SAMD5: variants seen among roughly 807,000 people sequenced by gnomAD.
The protein encoded by SAMD5 is sterile alpha motif domain-containing protein 5.
Under a neutral mutation model 11.3 loss-of-function variants are expected in SAMD5, and 13 were observed. The ratio of observed to expected loss-of-function variants is 1.15; its 90% CI spans 0.75 to 1.83. The LOEUF (loss-of-function observed/expected upper bound fraction) is 1.83. Ranked by LOEUF, SAMD5 falls within the 40% of genes most tolerant of loss-of-function variation. The pLI is 0.00. For synonymous variants in SAMD5, 129 were observed against 111.3 expected (o/e 1.16, Z -1.00); for missense variants, 255 against 239.1 (o/e 1.07, Z -0.44).
chr6:147,752,497 C>G, the SAMD5 span, among the ~76,000 whole-genome samples: 3 of 152,186 alleles, frequency 2.0e-5, no homozygotes, highest in African/African-American at 7.2e-5. Context: ...GCAGTAATCT[C>G]CCACAAACCC....
chr6:147,845,256 A>G, the SAMD5 span, among the ~76,000 whole-genome samples: 1 of 152,210 alleles, frequency 6.6e-6, no homozygotes, highest in Non-Finnish European at 1.5e-5. Context: ...AAATTAATTC[A>G]AAATGGATGA....
chr6:147,931,150 G>A, the SAMD5 span, among the ~76,000 whole-genome samples: 2 of 152,194 alleles, frequency 1.3e-5, no homozygotes, highest in East Asian at 3.8e-4. Context: ...TTGGAGAAAA[G>A]TTTTGACTTT....
chr6:147,761,028 G>A, the SAMD5 span, among the ~76,000 whole-genome samples: 1 of 152,092 alleles, frequency 6.6e-6, no homozygotes, highest in African/African-American at 2.4e-5. Flanking sequence ...AATTCTTTTA[G>A]CAGTTTTCAT....
chr6:147,573,103 T>C (rs1317096112), downstream of SAMD5, among the ~76,000 whole-genome samples: 2 of 152,220 alleles, frequency 1.3e-5, no homozygotes, highest in Non-Finnish European at 2.9e-5. Context: ...CTTCCTCTGA[T>C]ATATACGGAT....
Position 147,638,579 on chromosome 6 carries a change from A to G in SAMD5, c.163-98738A>G, listed in dbSNP as rs12199915. On this transcript the variant is annotated intron_variant, in intron 1 of 1. Transcript: ENST00000566741. ...TTGAAATTCAGCTCTGCCCAGCAGG[A>G]CTTGCCCTCAGTTTTGAGGCATTAT... Among the ~76,000 whole-genome samples the G allele has an allele frequency of 6.8e-4, 103 of 152,044 alleles. 1 individual carries two copies. The highest frequency in any genetic ancestry group is 2.3e-3 in the African/African-American group (94 of 41,464).
At chr6:147,597,037 C>T (rs149716536) in intron 1 of SAMD5, among the ~76,000 whole-genome samples, 160 of 152,160 alleles carry the variant, frequency 1.1e-3, no homozygotes, top group African/African-American at 3.3e-3. Flanking sequence ...ATGTGGGGAG[C>T]GGACACCCAG....
rs998591640 is a variant in SAMD5 at position 147,568,593 on chromosome 6, T to G, written c.*4137T>G. On this transcript the variant is annotated 3_prime_UTR_variant, in exon 2 of 2. Coordinates refer to ENST00000367474, the MANE Select transcript of SAMD5 (RefSeq NM_001030060.3). ...TACAAAGTATTAGGAATTTTTTATA[T>G]CAGCTGACATCTTGTGCTTACAGTA... 13 of 985,254 alleles carry G rather than the reference T, an allele frequency of 1.3e-5. No individual in the cohort carries two copies. In the African/African-American group the frequency reaches 2.3e-4, roughly 17 times the overall value. 61.0% of individuals were successfully genotyped at this position (985,254 alleles called of 1,614,324 possible).
At chr6:147,723,364 T>G (rs532769348) in intron 1 of SAMD5, among the ~76,000 whole-genome samples, 1 of 152,314 alleles carries the variant, frequency 6.6e-6, no homozygotes, top group African/African-American at 2.4e-5. Context: ...GGAATTTTGC[T>G]TTTATTCTTC....
chr6:147,672,405 G>A (rs1273355424), intron 1 of SAMD5, among the ~76,000 whole-genome samples: 1 of 152,058 alleles, frequency 6.6e-6, no homozygotes. Context: ...AAAATATAAA[G>A]AGAAAATGCT....
chr6:147,541,596 T>A (rs1324078078), intron 1 of SAMD5, among the ~76,000 whole-genome samples: 1 of 152,132 alleles, frequency 6.6e-6, no homozygotes, highest in Non-Finnish European at 1.5e-5. Context: ...TTAGGACTCA[T>A]TGAATGTGAC....
At chr6:147,885,523 T>G in the SAMD5 span, among the ~76,000 whole-genome samples, 2 of 152,008 alleles carry the variant, frequency 1.3e-5, no homozygotes, top group Non-Finnish European at 2.9e-5. Context: ...AAGTAAAATT[T>G]TTGATAATTA....
chr6:147,593,789 G>GC (rs1273067265), intron 1 of SAMD5, among the ~76,000 whole-genome samples: 1 of 152,052 alleles, frequency 6.6e-6, no homozygotes, highest in Non-Finnish European at 1.5e-5. Flanking sequence ...CATTGTAGGA[G>GC]CTCTAAGACT....
At chr6:147,510,349 G>C (rs1000039035) in intron 1 of SAMD5, among the ~76,000 whole-genome samples, 3 of 152,182 alleles carry the variant, frequency 2.0e-5, no homozygotes. Flanking sequence ...GGCGGCTGTC[G>C]GAGTAGAGGG....
the SAMD5 span, among the ~76,000 whole-genome samples, chr6:147,924,086 T>A: frequency 1.3e-5 from 2 of 152,156 alleles, no homozygotes; most frequent in Non-Finnish European, 2.9e-5. Flanking sequence ...CCTGTGTTAT[T>A]TGGTTACTTC....
At chr6:147,737,476 C>A in exon 2 of SAMD5, 1 of 463,394 alleles carries the variant, frequency 2.2e-6, no homozygotes, top group Non-Finnish European at 3.8e-6. Context: ...GTTGTTTTGC[C>A]AGAATACTGA....
the SAMD5 span, among the ~76,000 whole-genome samples, chr6:147,909,626 T>TCTC: frequency 2.0e-4 from 12 of 59,266 alleles, no homozygotes; most frequent in South Asian, 1.5e-3. Flanking sequence ...CTTTCTTTCT[T>TCTC]TCTTTCTCTT....
the SAMD5 span, among the ~76,000 whole-genome samples, chr6:147,816,493 T>C: frequency 6.6e-6 from 1 of 151,328 alleles, no homozygotes; most frequent in Non-Finnish European, 1.5e-5. Context: ...GACTATTAAG[T>C]ATCTACAGAG....
chr6:147,757,786 A>C, the SAMD5 span, among the ~76,000 whole-genome samples: 1 of 152,174 alleles, frequency 6.6e-6, no homozygotes, highest in Non-Finnish European at 1.5e-5. Flanking sequence ...GATATTTTGG[A>C]AACTTAATTT....
rs1399690843 is a variant in SAMD5, at chr6:147,569,519, T to C, written c.*5063T>C. ...TAAGATGGGAAATGTCTTTTATAGGTATATTCTGTATAATACCCTTAATTA... is the reference window on the plus strand; with the variant it reads ...TAAGATGGGAAATGTCTTTTATAGGCATATTCTGTATAATACCCTTAATTA... On this transcript the variant is annotated 3_prime_UTR_variant, in exon 2 of 2. Coordinates refer to ENST00000367474, the MANE Select transcript of SAMD5 (RefSeq NM_001030060.3). 7 of 845,326 alleles carry C rather than the reference T, an allele frequency of 8.3e-6. No individual in the cohort carries two copies. In the East Asian group the frequency reaches 6.1e-4, roughly 74 times the overall value. The allele number at this position is 845,326 out of a possible 1,614,324, so 52.4% of individuals were successfully genotyped here. A position where few individuals can be genotyped will look rare whatever the true frequency, so the allele number is the denominator to read the frequency against.
Sources: gnomAD v4.1 joint callset for allele counts (sites outside exome capture counted in the v4.1 genomes callset) on GRCh38, gnomAD v4.1.1 for gene constraint, MANE v1.5 for transcripts, NCBI Gene and HGNC (gene_info 2026-07-23, HGNC 2026-07-21) for gene names.